DPH5: variants seen among roughly 807,000 people sequenced by gnomAD.
DPH5 encodes diphthamide biosynthesis 5.
Under a neutral mutation model 31.6 loss-of-function variants are expected in DPH5, and 31 were observed. The ratio of observed to expected loss-of-function variants is 0.98; its 90% CI spans 0.74 to 1.32. The LOEUF (loss-of-function observed/expected upper bound fraction) is 1.32, where lower values mean the gene tolerates loss of function less well. DPH5 is among the 40% of genes most tolerant of loss of function. The pLI, the probability that DPH5 is intolerant of heterozygous loss-of-function variation, is 0.00. For synonymous variants in DPH5, 120 were observed against 115.0 expected, an observed-to-expected ratio of 1.04 and a Z score of -0.28; for missense variants, 309 against 335.7, an observed-to-expected ratio of 0.92 and a Z score of 0.62.
chr1:101,001,685 T>A, intron 4 of DPH5, 98 bp from the exon 5 acceptor site: 1 of 972,778 alleles, frequency 1.0e-6, no homozygotes, highest in Non-Finnish European at 1.5e-6. Context: ...AAAAAGTGAA[T>A]ATCCAACTCG....
Position 101,025,682 on chromosome 1 carries a change from C to T in DPH5, c.-24+1G>A, listed in dbSNP as rs568196177. On this transcript the variant is annotated splice_donor_variant, in intron 1 of 7. Transcript: ENST00000370109. LOFTEE classifies it low-confidence loss of function (5UTR_SPLICE). The stretch of plus-strand genomic sequence containing the variant: ...ACACAAACCTAGGAGCAGCCAATTA[C>T]CCGCTGAGAGAATCGTAGGTAGTTC... The T allele has an allele frequency of 3.8e-6, 2 of 526,496 alleles. No individual in the cohort carries two copies. The highest frequency in any genetic ancestry group is 6.8e-6 in the Non-Finnish European group (2 of 294,474). 32.6% of individuals were successfully genotyped at this position (526,496 alleles called of 1,614,324 possible). A position where few individuals can be genotyped will look rare whatever the true frequency, so the allele number is the denominator to read the frequency against.
At position 101,013,826 on chromosome 1, in the gene DPH5, G is replaced by A. The variant is rs1372932682; in HGVS notation, c.261-8C>T. 2 of 1,596,970 alleles carry A rather than the reference G, an allele frequency of 1.3e-6. No individual in the cohort carries two copies. Among genetic ancestry groups the A allele is most frequent in the Admixed American group, 1.7e-5 (1 of 57,334 alleles). ...TCACTGTGTGTTGTGGCCCTGTAGT[G>A]AGAAAAGATTAGATTGGATTAAAGC... On this transcript the variant is annotated splice_region_variant and splice_polypyrimidine_tract_variant and intron_variant, in intron 3 of 7. Transcript: ENST00000370109.
At chr1:101,025,264 T>C (rs766516181) in intron 2 of DPH5, 45 bp downstream of exon 2, 1 of 1,607,280 alleles carries the variant, frequency 6.2e-7, no homozygotes, top group Non-Finnish European at 8.5e-7. Context: ...AATCAGATGT[T>C]AGATAGCTTT....
At chr1:101,025,592 C>G in intron 1 of DPH5, 91 bp downstream of exon 1, 1 of 910,206 alleles carries the variant, frequency 1.1e-6, no homozygotes, top group South Asian at 1.7e-5. Flanking sequence ...GTTTGGGAAC[C>G]TTATGTCACG....
intron 2 of DPH5, among the ~76,000 whole-genome samples, chr1:101,023,964 A>G (rs1005161086): frequency 1.3e-5 from 2 of 152,048 alleles, no homozygotes; most frequent in African/African-American, 2.4e-5. Context: ...CTGTTTTGTT[A>G]TTTGTCTGTC....
intron 4 of DPH5, among the ~76,000 whole-genome samples, chr1:101,010,122 T>G (rs1659518788): frequency 6.6e-6 from 1 of 152,230 alleles, no homozygotes; most frequent in East Asian, 1.9e-4. Context: ...AGAATCTCTT[T>G]GAGAGCAAGG....
chr1:101,025,095 G>T, intron 2 of DPH5: 1 of 565,288 alleles, frequency 1.8e-6, no homozygotes, highest in Non-Finnish European at 3.0e-6. Context: ...CACAAAATTA[G>T]ACTTGTAAAA....
Position 101,013,725 on chromosome 1 carries a change from G to A in DPH5, c.354C>T (p.Gly118=). 1 of 1,608,370 alleles carries A rather than the reference G, an allele frequency of 6.2e-7. No homozygotes were observed. Residue 118 remains glycine, a synonymous_variant, in exon 4 of 8, where the codon GGC becomes GGT. Coordinates refer to ENST00000370109, the MANE Select transcript of DPH5 (RefSeq NM_015958.3). ...GTTGCATTACCTGTAAACCACAGCA[G>A]CCTACAGCATTCATTATGGAGGCAT... is the stretch of plus-strand genomic sequence containing the variant. ...IHNASIMNAV[G]CCGLQLYKFG...
At chr1:100,995,081 A>AT (rs755065021) in intron 6 of DPH5, 29 bp downstream of exon 6, 1 of 1,500,516 alleles carries the variant, frequency 6.7e-7, no homozygotes, top group Non-Finnish European at 9.3e-7. Flanking sequence ...AATAAAACAC[A>AT]TGTATGCATT....
At chr1:101,019,303 AACTT>A (rs1451008415) in intron 3 of DPH5, among the ~76,000 whole-genome samples, 2 of 152,168 alleles carry the variant, frequency 1.3e-5, no homozygotes, top group African/African-American at 4.8e-5. Context: ...AGACTACATG[AACTT>A]ACTTAACTAT....
At chr1:100,995,170 T>G in intron 5 of DPH5, 21 bp from the exon 6 acceptor site, 1 of 1,521,212 alleles carries the variant, frequency 6.6e-7, no homozygotes, top group Non-Finnish European at 9.1e-7. Context: ...TAAAAATAGT[T>G]CTTTTAATTT....
intron 4 of DPH5, 80 bp downstream of exon 4, chr1:101,013,630 C>T: frequency 1.0e-6 from 1 of 987,734 alleles, no homozygotes; most frequent in Non-Finnish European, 1.5e-6. Flanking sequence ...TCATAAAATA[C>T]AATTAAATGT....
At chr1:101,011,335 C>A (rs1181508274) in intron 4 of DPH5, among the ~76,000 whole-genome samples, 3 of 152,110 alleles carry the variant, frequency 2.0e-5, no homozygotes, top group African/African-American at 4.8e-5. Flanking sequence ...CTATATAAGA[C>A]AGAACCTTAA....
rs943798463 is a variant in DPH5, at chr1:100,995,031, C to A, written c.530+79G>T. 4.0e-5 allele frequency: 40 copies of A among 1,009,240 alleles called. No individual in the cohort carries two copies. In the African/African-American group the frequency reaches 5.3e-4, roughly 13 times the overall value. The allele number at this position is 1,009,240 out of a possible 1,614,324, so 62.5% of individuals were successfully genotyped here. ...AGCTCATTTTCAACCATCTTTAGAA[C>A]TCAGGTCATTTAAGTAGAATGTATT... On this transcript the variant is annotated intron_variant, in intron 6 of 7. Transcript: ENST00000370109.
chr1:101,010,373 CTG>C (rs1251656073), intron 4 of DPH5, among the ~76,000 whole-genome samples: 2 of 152,058 alleles, frequency 1.3e-5, no homozygotes, highest in Non-Finnish European at 2.9e-5. Flanking sequence ...GTGTGAATGT[CTG>C]TGTGTATGAA....
intron 3 of DPH5, 111 bp from the exon 4 acceptor site, chr1:101,013,929 C>A: frequency 1.4e-6 from 1 of 737,780 alleles, no homozygotes; most frequent in Non-Finnish European, 2.2e-6. Flanking sequence ...TGCCTTTCTT[C>A]AAATTCTTCC....
chr1:101,016,855 C>T (rs1279268490), intron 3 of DPH5, among the ~76,000 whole-genome samples: 4 of 152,076 alleles, frequency 2.6e-5, no homozygotes, highest in Non-Finnish European at 5.9e-5. Flanking sequence ...ATTAATTGAC[C>T]TAACTTCAAT....
chr1:101,012,773 A>G lies in DPH5; in HGVS notation c.369+937T>C, dbSNP rs981718289. Among the ~76,000 whole-genome samples, 3 of 152,326 alleles carry G rather than the reference A, an allele frequency of 2.0e-5. No individual in the cohort carries two copies. In the Middle Eastern group the frequency reaches 0.01, roughly 518 times the overall value. Reference sequence around the variant, plus strand: ...GGTCAATCATTTATACTTTTTCTCTAGTTCTTCATAAACACAGGCAACATT... The same window carrying G: ...GGTCAATCATTTATACTTTTTCTCTGGTTCTTCATAAACACAGGCAACATT... On this transcript the variant is annotated intron_variant, in intron 4 of 7. Coordinates refer to ENST00000370109, the MANE Select transcript of DPH5 (RefSeq NM_015958.3).
intron 3 of DPH5, among the ~76,000 whole-genome samples, chr1:101,020,434 C>T (rs1159561498): frequency 1.3e-5 from 2 of 152,086 alleles, no homozygotes; most frequent in Non-Finnish European, 2.9e-5. Context: ...CTCCCTCCTC[C>T]TCTGGCTCCA....
Sources: allele counts gnomAD v4.1 joint callset (sites outside exome capture counted in the v4.1 genomes callset), GRCh38; gene constraint gnomAD v4.1.1; transcripts MANE v1.5; gene names NCBI Gene and HGNC (gene_info 2026-07-23, HGNC 2026-07-21).